ITSN2: variants seen among roughly 807,000 people sequenced by gnomAD.
ITSN2 encodes intersectin-2.
In ITSN2, 156 loss-of-function variants were observed where a neutral mutation model predicts 243.7. That is an observed-to-expected ratio of 0.64 (90% CI 0.56 to 0.73). The LOEUF is 0.73. Ranked by LOEUF, ITSN2 falls within the 30% of genes least tolerant of loss-of-function variation. The pLI, the probability that ITSN2 is intolerant of heterozygous loss-of-function variation, is 0.00. For synonymous variants in ITSN2, 703 were observed against 699.9 expected (o/e 1.00, Z -0.07); for missense variants, 1,801 against 1,996.1 (o/e 0.90, Z 1.86).
intron 29 of ITSN2, among the ~76,000 whole-genome samples, chr2:24,230,505 C>T (rs941835215): frequency 1.3e-5 from 2 of 152,158 alleles, no homozygotes; most frequent in East Asian, 1.9e-4. Flanking sequence ...CGGTGGCTCA[C>T]GCCTGTAATC....
rs551804249 is a variant in ITSN2, at chr2:24,341,862, CA to C, written c.-33-13748del. 6.6e-5 allele frequency among the ~76,000 whole-genome samples: 10 copies of C among 151,930 alleles called. No individual in the cohort carries two copies. The South Asian group carries it at 1.0e-3, about 16-fold the overall frequency. ...GAGCAAGATTTCCTCTCAAAAAATA[CA>C]TAGGAAAAAAGGTAAGATTTAAGAA... is the stretch of plus-strand genomic sequence containing the variant. On this transcript the variant is annotated intron_variant, in intron 1 of 39. Transcript: ENST00000355123.
chr2:24,287,397 C>G (rs977727563), intron 15 of ITSN2, among the ~76,000 whole-genome samples: 1 of 152,140 alleles, frequency 6.6e-6, no homozygotes, highest in Non-Finnish European at 1.5e-5. Context: ...AACCACTCTT[C>G]TACTCTCAGT....
intron 17 of ITSN2, 107 bp downstream of exon 17, chr2:24,284,656 G>A: frequency 1.4e-6 from 1 of 706,896 alleles, no homozygotes; most frequent in Non-Finnish European, 2.5e-6. Flanking sequence ...TATTGTATAT[G>A]TTATTTCAAA....
Position 24,227,811 on chromosome 2 carries a change from C to T in ITSN2, c.3578-6745G>A, listed in dbSNP as rs367572928. Among the ~76,000 whole-genome samples, 155 of 152,006 alleles carry T rather than the reference C, an allele frequency of 1.0e-3. 1 individual carries two copies. The highest frequency in any genetic ancestry group is 3.6e-3 in the African/African-American group (151 of 41,456). On this transcript the variant is annotated intron_variant, in intron 29 of 39. Transcript: ENST00000355123. Reference sequence around the variant, plus strand: ...GCGGGTGCCTGTAATCCCAGCTACTCAGGAGGCTGAGGCAGGAGAATTGCT... The same window carrying T: ...GCGGGTGCCTGTAATCCCAGCTACTTAGGAGGCTGAGGCAGGAGAATTGCT...
chr2:24,224,490 T>C (rs1317352494), intron 29 of ITSN2, among the ~76,000 whole-genome samples: 1 of 152,240 alleles, frequency 6.6e-6, no homozygotes, highest in Non-Finnish European at 1.5e-5. Context: ...TCTGGAATAA[T>C]ACCTTGGAAT....
At position 24,254,442 on chromosome 2, in the gene ITSN2, T is replaced by C. The variant is rs778526984; in HGVS notation, c.2889-11A>G. 3.8e-6 allele frequency: 6 copies of C among 1,594,134 alleles called. No homozygotes were observed. The highest frequency in any genetic ancestry group is 1.7e-5 in the Admixed American group (1 of 59,860). ...TACAAAGCTTCTGGTCTACCAAATA[T>C]ATAAACAAACAAACAAACAAACAAA... On this transcript the variant is annotated splice_polypyrimidine_tract_variant and intron_variant, in intron 23 of 39. Transcript: ENST00000355123.
chr2:24,344,689 C>A (rs1481169651), intron 1 of ITSN2, among the ~76,000 whole-genome samples: 2 of 152,286 alleles, frequency 1.3e-5, no homozygotes, highest in Admixed American at 1.3e-4. Flanking sequence ...CAGTGGCTCA[C>A]GCCTGTAATC....
chr2:24,303,023 C>T (rs1455769712), intron 9 of ITSN2, among the ~76,000 whole-genome samples: 5 of 152,202 alleles, frequency 3.3e-5, no homozygotes, highest in African/African-American at 7.2e-5. Flanking sequence ...ACATACTGCA[C>T]TGCCAGCTGT....
chr2:24,360,062 G>GC (rs1259042400), intron 1 of ITSN2, among the ~76,000 whole-genome samples: 10 of 152,152 alleles, frequency 6.6e-5, no homozygotes, highest in Non-Finnish European at 1.5e-5. Flanking sequence ...CCCAGCCCAG[G>GC]CCCCCTCGGC....
intron 18 of ITSN2, among the ~76,000 whole-genome samples, chr2:24,272,949 T>C (rs1558530855): frequency 6.6e-6 from 1 of 152,138 alleles, no homozygotes; most frequent in Non-Finnish European, 1.5e-5. Flanking sequence ...TTTCACAACC[T>C]TACTCAGAGG....
At chr2:24,207,705 C>G (rs1172280252) in intron 37 of ITSN2, among the ~76,000 whole-genome samples, 7 of 151,760 alleles carry the variant, frequency 4.6e-5, no homozygotes, top group Admixed American at 4.6e-4. Context: ...AACTAGGCCA[C>G]TGGTGTCACT....
rs144912353 is a variant in ITSN2 at position 24,324,219 on chromosome 2, G to A, written c.31+3833C>T. Among the ~76,000 whole-genome samples, 565 of 152,178 alleles carry A rather than the reference G, an allele frequency of 3.7e-3. 7 individuals are homozygous for A. The highest frequency in any genetic ancestry group is 0.013 in the African/African-American group (528 of 41,500). ...TGCACTCCAGCCTGGGAGACAGAGCGAGACTCCGTCTCAAAAAAATTAAAT... is the reference window on the plus strand; with the variant it reads ...TGCACTCCAGCCTGGGAGACAGAGCAAGACTCCGTCTCAAAAAAATTAAAT... On this transcript the variant is annotated intron_variant, in intron 2 of 39. Transcript: ENST00000355123.
At chr2:24,352,039 TTTA>T (rs1373056108) in intron 1 of ITSN2, among the ~76,000 whole-genome samples, 4 of 152,334 alleles carry the variant, frequency 2.6e-5, no homozygotes, top group Non-Finnish European at 4.4e-5. Flanking sequence ...ATTGTTCAAT[TTTA>T]TTATTATTAA....
At chr2:24,304,517 A>G (rs1306798217) in intron 8 of ITSN2, among the ~76,000 whole-genome samples, 1 of 152,194 alleles carries the variant, frequency 6.6e-6, no homozygotes, top group African/African-American at 2.4e-5. Context: ...CATTTAACAT[A>G]AATCACATAA....
intron 20 of ITSN2, among the ~76,000 whole-genome samples, chr2:24,262,762 T>G (rs935507329): frequency 6.6e-6 from 1 of 152,188 alleles, no homozygotes; most frequent in Non-Finnish European, 1.5e-5. Context: ...TTGCAAGATA[T>G]CTTCAAGTGG....
chr2:24,347,727 C>CT (rs1491006411), intron 1 of ITSN2, among the ~76,000 whole-genome samples: 7 of 6,610 alleles, frequency 1.1e-3, no homozygotes, highest in Admixed American at 5.6e-3. Context: ...TTTGGGTTTT[C>CT]TTTTTTTTTT....
At chr2:24,358,942 G>C (rs916480834) in intron 1 of ITSN2, among the ~76,000 whole-genome samples, 1 of 152,160 alleles carries the variant, frequency 6.6e-6, no homozygotes, top group Non-Finnish European at 1.5e-5. Context: ...TCAATGCATG[G>C]AAGGGTGAAA....
intron 22 of ITSN2, among the ~76,000 whole-genome samples, chr2:24,260,388 C>G (rs537018477): frequency 2.0e-5 from 3 of 150,658 alleles, no homozygotes; most frequent in Non-Finnish European, 4.4e-5. Context: ...TAATGTAACC[C>G]TATTGCAATA....
At chr2:24,246,704 T>C (rs1235220178) in intron 28 of ITSN2, 93 bp downstream of exon 28, 12 of 783,490 alleles carry the variant, frequency 1.5e-5, no homozygotes, top group Admixed American at 9.9e-5. Flanking sequence ...AGAACACATT[T>C]TTAATGTTTT....
Sources: gnomAD v4.1 joint callset for allele counts (sites outside exome capture counted in the v4.1 genomes callset) on GRCh38, gnomAD v4.1.1 for gene constraint, MANE v1.5 for transcripts, NCBI Gene and HGNC (gene_info 2026-07-23, HGNC 2026-07-21) for gene names.